The following BABAM2 variants were observed in gnomAD, a reference collection of about 807,000 sequenced individuals.
BABAM2 encodes BRISC and BRCA1-A complex member 2.
BABAM2 carries 31 observed loss-of-function variants against 54.7 expected under a neutral mutation model. That is an observed-to-expected ratio of 0.57 (90% CI 0.43 to 0.77). The LOEUF (loss-of-function observed/expected upper bound fraction) is 0.77. Ranked by LOEUF, BABAM2 falls within the 30% of genes least tolerant of loss-of-function variation. The probability of loss-of-function intolerance (pLI) is 0.00; values close to 1 mark genes in which losing one functional copy is unlikely to be tolerated. For missense variants in BABAM2, 364 were observed against 455.8 expected (o/e 0.80, Z 1.83); for synonymous variants, 167 against 162.9 (o/e 1.03, Z -0.19).
intron 6 of BABAM2, among the ~76,000 whole-genome samples, chr2:28,118,602 T>C (rs542387835): frequency 6.6e-6 from 1 of 152,304 alleles, no homozygotes; most frequent in East Asian, 1.9e-4. Flanking sequence ...TTTAAGTTCC[T>C]TGTAAACTCT....
At chr2:28,081,921 T>C (rs1394478012) in intron 6 of BABAM2, among the ~76,000 whole-genome samples, 1 of 152,238 alleles carries the variant, frequency 6.6e-6, no homozygotes, top group Non-Finnish European at 1.5e-5. Flanking sequence ...AAAAAACAAT[T>C]ATCTACTATG....
chr2:28,288,784 G>A (rs566766704), intron 10 of BABAM2, among the ~76,000 whole-genome samples: 5 of 152,122 alleles, frequency 3.3e-5, no homozygotes, highest in Admixed American at 1.3e-4. Flanking sequence ...TCTGCAGAGC[G>A]GTAACCTCAG....
At chr2:28,242,012 C>G (rs751235352) in intron 9 of BABAM2, among the ~76,000 whole-genome samples, 56 of 152,050 alleles carry the variant, frequency 3.7e-4, no homozygotes, top group Non-Finnish European at 6.3e-4. Flanking sequence ...TTGCATAGCA[C>G]TTTTCACCTC....
intron 7 of BABAM2, among the ~76,000 whole-genome samples, chr2:28,137,237 T>A (rs62142460): frequency 0.22 from 33,315 of 152,168 alleles, 4,637 homozygotes; most frequent in Middle Eastern, 0.33. Flanking sequence ...GCCTTACTCA[T>A]GTTTTCTCGA....
intron 10 of BABAM2, among the ~76,000 whole-genome samples, chr2:28,293,185 G>T (rs1270698433): frequency 2.0e-5 from 3 of 151,972 alleles, no homozygotes; most frequent in Non-Finnish European, 2.9e-5. Flanking sequence ...AATCAAACTT[G>T]TTGAACTATG....
chr2:28,103,126 A>G lies in BABAM2; in HGVS notation c.571-26145A>G, dbSNP rs144629947. Among the ~76,000 whole-genome samples, 14 of 151,512 alleles carry G rather than the reference A, an allele frequency of 9.2e-5. No individual in the cohort carries two copies. In the East Asian group the frequency reaches 2.7e-3, roughly 30 times the overall value. On this transcript the variant is annotated intron_variant, in intron 6 of 11. Coordinates refer to ENST00000379624, the MANE Select transcript of BABAM2 (RefSeq NM_199191.3). ...TGTTTTTTGGGAAAATTTACTCAATACTTGAACTTATTGAGTAAAAAAAAA... is the reference window on the plus strand; with the variant it reads ...TGTTTTTTGGGAAAATTTACTCAATGCTTGAACTTATTGAGTAAAAAAAAA...
chr2:27,946,422 G>A (rs1406802895), intron 3 of BABAM2, among the ~76,000 whole-genome samples: 2 of 152,082 alleles, frequency 1.3e-5, no homozygotes, highest in Admixed American at 1.3e-4. Context: ...AAAGAACTTT[G>A]CATTTCTGTA....
At chr2:28,119,028 GT>G (rs1668839146) in intron 6 of BABAM2, among the ~76,000 whole-genome samples, 1 of 152,164 alleles carries the variant, frequency 6.6e-6, no homozygotes, top group African/African-American at 2.4e-5. Context: ...AGATCAGATG[GT>G]TGTAGATGTG....
At chr2:27,939,490 G>A (rs892834552) in intron 3 of BABAM2, among the ~76,000 whole-genome samples, 34 of 152,240 alleles carry the variant, frequency 2.2e-4, no homozygotes, top group African/African-American at 7.5e-4. Context: ...GATTTTCGTT[G>A]GTTGAAGTAT....
At chr2:28,162,128 T>C (rs1673161970) in intron 7 of BABAM2, among the ~76,000 whole-genome samples, 1 of 152,208 alleles carries the variant, frequency 6.6e-6, no homozygotes, top group South Asian at 2.1e-4. Flanking sequence ...GTTGTAATTG[T>C]TTAAATAAAA....
chr2:27,926,266 G>A (rs540315482), intron 2 of BABAM2, among the ~76,000 whole-genome samples: 1 of 151,956 alleles, frequency 6.6e-6, no homozygotes, highest in Non-Finnish European at 1.5e-5. Context: ...CTCATTTACT[G>A]TGTCCTAATC....
At chr2:28,154,613 C>A (rs1404055702) in intron 7 of BABAM2, among the ~76,000 whole-genome samples, 1 of 152,066 alleles carries the variant, frequency 6.6e-6, no homozygotes, top group Non-Finnish European at 1.5e-5. Context: ...TTTGCCTTTC[C>A]TTTCCTTGCC....
At chr2:28,247,210 A>C (rs1682990774) in intron 10 of BABAM2, among the ~76,000 whole-genome samples, 1 of 152,148 alleles carries the variant, frequency 6.6e-6, no homozygotes, top group Non-Finnish European at 1.5e-5. Context: ...GTCTCTTAGC[A>C]TCACTGCCAC....
chr2:27,940,957 C>A (rs992496897), intron 3 of BABAM2, among the ~76,000 whole-genome samples: 5 of 152,152 alleles, frequency 3.3e-5, no homozygotes, highest in African/African-American at 4.8e-5. Flanking sequence ...CTGTTTCTCC[C>A]CACATTGGGT....
In BABAM2 at chr2:28,329,777, T is replaced by C. The variant is rs868609260; in HGVS notation, c.1089-8673T>C. 2.6e-4 allele frequency among the ~76,000 whole-genome samples: 39 copies of C among 152,322 alleles called. No homozygotes were observed. The highest frequency in any genetic ancestry group is 7.7e-4 in the African/African-American group (32 of 41,568). ...TACAAAGAGGATCTGGTACCGTTTC[T>C]TCTGAAACTATTCCAAACAATTGAA... On this transcript the variant is annotated intron_variant, in intron 11 of 11. Coordinates refer to ENST00000379624, the MANE Select transcript of BABAM2 (RefSeq NM_199191.3). The surrounding 1 kb of genome is among the most constrained non-coding windows in gnomAD (Gnocchi z 4.2).
intron 10 of BABAM2, among the ~76,000 whole-genome samples, chr2:28,280,754 C>T (rs780862158): frequency 2.0e-5 from 3 of 152,128 alleles, no homozygotes; most frequent in Non-Finnish European, 2.9e-5. Flanking sequence ...GCAAGTTGAA[C>T]GTGTAATGAA....
chr2:28,195,401 GGTGTCAAGAT>G (rs1677410108), intron 7 of BABAM2, among the ~76,000 whole-genome samples: 1 of 152,002 alleles, frequency 6.6e-6, no homozygotes, highest in Non-Finnish European at 1.5e-5. Flanking sequence ...ATTTCCCCCA[GGTGTCAAGAT>G]AGTTTATTGT....
At chr2:28,186,956 C>T (rs904381087) in intron 7 of BABAM2, among the ~76,000 whole-genome samples, 1 of 152,054 alleles carries the variant, frequency 6.6e-6, no homozygotes, top group Non-Finnish European at 1.5e-5. Context: ...CAGGCACCCG[C>T]CAACAAGCCC....
chr2:28,111,421 T>A (rs1376851439), intron 6 of BABAM2, among the ~76,000 whole-genome samples: 1 of 152,234 alleles, frequency 6.6e-6, no homozygotes, highest in South Asian at 2.1e-4. Flanking sequence ...AGATATATAA[T>A]TTGACAATAT....
Sources: allele counts gnomAD v4.1 joint callset (sites outside exome capture counted in the v4.1 genomes callset), GRCh38; gene constraint gnomAD v4.1.1; non-coding constraint Gnocchi (gnomAD v3.1); transcripts MANE v1.5; gene names NCBI Gene and HGNC (gene_info 2026-07-23, HGNC 2026-07-21).